The following RPN2 variants were observed in gnomAD, a reference collection of about 807,000 sequenced individuals.
RPN2 encodes the protein dolichyl-diphosphooligosaccharide--protein glycosyltransferase subunit 2.
In RPN2, 29 loss-of-function variants were observed where a neutral mutation model predicts 71.4. The observed-to-expected ratio is 0.41, with a 90% CI of 0.30 to 0.55. RPN2 has a LOEUF of 0.55. RPN2 is among the 20% of genes least tolerant of loss of function. RPN2 has a pLI of 0.35. For missense variants in RPN2, 726 were observed against 774.1 expected (o/e 0.94, Z 0.74); for synonymous variants, 308 against 305.0 (o/e 1.01, Z -0.10).
At chr20:37,214,273 G>A (rs1057236289) in intron 9 of RPN2, among the ~76,000 whole-genome samples, 5 of 152,142 alleles carry the variant, frequency 3.3e-5, no homozygotes, top group Non-Finnish European at 7.4e-5. Context: ...TGACACATAC[G>A]TAACACTATA....
chr20:37,193,569 T>A (rs1406984695), intron 2 of RPN2, among the ~76,000 whole-genome samples: 2 of 152,134 alleles, frequency 1.3e-5, no homozygotes, highest in Non-Finnish European at 1.5e-5. Context: ...CACCTTGCAT[T>A]TTGGAAAGAC....
At chr20:37,216,447 A>G (rs552529496) in intron 9 of RPN2, among the ~76,000 whole-genome samples, 31 of 151,168 alleles carry the variant, frequency 2.1e-4, no homozygotes, top group South Asian at 6.2e-4. Context: ...ATATTCTCCA[A>G]TGTTTTCTTT....
At chr20:37,204,925 C>G in intron 6 of RPN2, 24 bp downstream of exon 6, 1 of 1,614,044 alleles carries the variant, frequency 6.2e-7, no homozygotes, top group South Asian at 1.1e-5. Flanking sequence ...AATTTTCAGG[C>G]ATGAAACCCA....
At chr20:37,205,731 CT>C (rs1264265339) in intron 6 of RPN2, among the ~76,000 whole-genome samples, 3 of 152,016 alleles carry the variant, frequency 2.0e-5, no homozygotes, top group Non-Finnish European at 1.5e-5. Context: ...GTGTCTCTTC[CT>C]TTGTCCTAAG....
At chr20:37,220,623 T>G (rs188437048) in intron 9 of RPN2, among the ~76,000 whole-genome samples, 127 of 152,324 alleles carry the variant, frequency 8.3e-4, no homozygotes, top group African/African-American at 2.8e-3. Context: ...CAGGCTTAGC[T>G]GCATTTAAAG....
intron 1 of RPN2, among the ~76,000 whole-genome samples, chr20:37,181,258 C>T (rs571968321): frequency 5.3e-5 from 8 of 151,964 alleles, no homozygotes; most frequent in Non-Finnish European, 1.0e-4. Context: ...CCAGTGGCTT[C>T]CACTACGGTG....
chr20:37,238,538 A>G (rs762968282), intron 16 of RPN2: 142 of 946,544 alleles, frequency 1.5e-4, no homozygotes, highest in Non-Finnish European at 2.2e-4. Flanking sequence ...TCTAGTTTTC[A>G]GCCCACTTGC....
intron 2 of RPN2, among the ~76,000 whole-genome samples, chr20:37,193,192 T>G (rs537233605): frequency 6.6e-6 from 1 of 152,210 alleles, no homozygotes; most frequent in South Asian, 2.1e-4. Flanking sequence ...CTAATCTCAC[T>G]CTACTCCTTA....
chr20:37,215,165 A>G (rs1262303358), intron 9 of RPN2, among the ~76,000 whole-genome samples: 3 of 152,062 alleles, frequency 2.0e-5, no homozygotes, highest in African/African-American at 7.2e-5. Flanking sequence ...TGCTCATTTT[A>G]TCCTAGGTTT....
At chr20:37,211,331 G>T (rs974578176) in intron 8 of RPN2, among the ~76,000 whole-genome samples, 1 of 148,950 alleles carries the variant, frequency 6.7e-6, no homozygotes, top group Admixed American at 6.7e-5. Context: ...CATTGTGCCC[G>T]GCCTTTTTTT....
chr20:37,219,171 C>T (rs2067892768), intron 9 of RPN2, among the ~76,000 whole-genome samples: 1 of 152,188 alleles, frequency 6.6e-6, no homozygotes, highest in Admixed American at 6.5e-5. Flanking sequence ...ACTACATCCT[C>T]ACCAACACTT....
rs912799675 is a variant in RPN2, at chr20:37,190,381, C to T, written c.207+6008C>T. On this transcript the variant is annotated intron_variant, in intron 2 of 16. Coordinates refer to ENST00000237530, the MANE Select transcript of RPN2 (RefSeq NM_002951.5). ...TGTGGCTTTATGTTTACAATACAGA[C>T]GCTGAAGTCAGAGTGGTTGCCTTCA... Among the ~76,000 whole-genome samples the T allele has an allele frequency of 3.3e-5, 5 of 152,156 alleles. No homozygotes were observed. In the East Asian group the frequency reaches 5.8e-4, roughly 18 times the overall value.
At chr20:37,215,949 T>C (rs1442754612) in intron 9 of RPN2, among the ~76,000 whole-genome samples, 4 of 152,202 alleles carry the variant, frequency 2.6e-5, no homozygotes, top group Non-Finnish European at 2.9e-5. Flanking sequence ...AGGAGTGATA[T>C]ATGTTTAGTT....
intron 7 of RPN2, among the ~76,000 whole-genome samples, chr20:37,209,761 G>A (rs2067610507): frequency 6.6e-6 from 1 of 151,976 alleles, no homozygotes; most frequent in African/African-American, 2.4e-5. Flanking sequence ...GCAATTATAG[G>A]CATGAGCCAT....
chr20:37,199,760 A>G (rs886378323), intron 4 of RPN2, among the ~76,000 whole-genome samples: 9 of 152,164 alleles, frequency 5.9e-5, no homozygotes, highest in African/African-American at 1.7e-4. Context: ...CACCTTTCCT[A>G]TTTGTTATAA....
At chr20:37,229,942 G>A (rs1483736573) in intron 12 of RPN2, 31 bp from the exon 13 acceptor site, 2 of 1,535,544 alleles carry the variant, frequency 1.3e-6, no homozygotes, top group Non-Finnish European at 1.8e-6. Context: ...CTCTGCCCCT[G>A]TGCTTTTACA....
intron 11 of RPN2, among the ~76,000 whole-genome samples, 195 bp from the exon 12 acceptor site, chr20:37,228,355 G>C (rs1439016263): frequency 2.0e-5 from 3 of 152,172 alleles, no homozygotes; most frequent in Non-Finnish European, 4.4e-5. Context: ...CCTTGTACCA[G>C]CAAAAAGTTA....
intron 2 of RPN2, among the ~76,000 whole-genome samples, chr20:37,194,812 G>C (rs764009453): frequency 1.3e-5 from 2 of 152,192 alleles, no homozygotes; most frequent in Admixed American, 6.5e-5. Flanking sequence ...GCCCCAGCCA[G>C]TGTGTGCCTG....
intron 10 of RPN2, 67 bp from the exon 11 acceptor site, chr20:37,225,621 T>C (rs956888210): frequency 2.0e-6 from 2 of 1,016,536 alleles, no homozygotes; most frequent in African/African-American, 3.1e-5. Flanking sequence ...GTGAAGTATA[T>C]ATTTTCTGCC....
Sources: gnomAD v4.1 joint callset for allele counts (sites outside exome capture counted in the v4.1 genomes callset) on GRCh38, gnomAD v4.1.1 for gene constraint, MANE v1.5 for transcripts, NCBI Gene and HGNC (gene_info 2026-07-23, HGNC 2026-07-21) for gene names.